The following MSH3 variants were observed in gnomAD, a reference collection of about 807,000 sequenced individuals.
MSH3 encodes the protein mutS homolog 3, also known as DNA mismatch repair protein Msh3.
MSH3 carries 106 observed loss-of-function variants against 123.3 expected under a neutral mutation model. That is an observed-to-expected ratio of 0.86 (90% confidence interval 0.73 to 1.01). The LOEUF is 1.01. Ranked by LOEUF, MSH3 falls within the 50% of genes least tolerant of loss-of-function variation. MSH3 has a pLI of 0.00. For synonymous variants in MSH3, 515 were observed against 481.4 expected, an observed-to-expected ratio of 1.07 and a Z score of -0.91; for missense variants, 1,459 against 1,347.6, an observed-to-expected ratio of 1.08 and a Z score of -1.29.
intron 9 of MSH3, among the ~76,000 whole-genome samples, chr5:80,726,927 A>G (rs1728743655): frequency 6.6e-6 from 1 of 152,210 alleles, no homozygotes. Context: ...CAAGCAGAGC[A>G]TGTGTTGCTC....
chr5:80,854,636 T>C (rs1023627925), intron 21 of MSH3, among the ~76,000 whole-genome samples: 8 of 152,206 alleles, frequency 5.3e-5, no homozygotes, highest in African/African-American at 1.9e-4. Flanking sequence ...TTTCCTGATC[T>C]CAGTCTCCAA....
chr5:80,863,178 G>T (rs1422395982), intron 21 of MSH3, among the ~76,000 whole-genome samples: 1 of 152,138 alleles, frequency 6.6e-6, no homozygotes, highest in African/African-American at 2.4e-5. Context: ...CATATACATG[G>T]AATATTCCTG....
chr5:80,786,546 T>C (rs991988908), intron 17 of MSH3, among the ~76,000 whole-genome samples: 1 of 152,240 alleles, frequency 6.6e-6, no homozygotes, highest in Non-Finnish European at 1.5e-5. Flanking sequence ...TAAACATTTT[T>C]TGTGCCTCTT....
Position 80,690,372 on chromosome 5 carries a change from A to G in MSH3, c.1340+11279A>G, listed in dbSNP as rs142213924. 3.7e-4 allele frequency among the ~76,000 whole-genome samples: 57 copies of G among 152,170 alleles called. No individual in the cohort carries two copies. The East Asian group carries it at 4.6e-3, about 12-fold the overall frequency. On this transcript the variant is annotated intron_variant, in intron 8 of 23. Coordinates refer to ENST00000265081, the MANE Select transcript of MSH3 (RefSeq NM_002439.5). ...ACCCAGACTGGAGTGCAGTGGCACA[A>G]TCTTGGCTCACTGCAACCTCTGCCT...
At chr5:80,758,220 T>C (rs1410361897) in intron 12 of MSH3, among the ~76,000 whole-genome samples, 1 of 152,292 alleles carries the variant, frequency 6.6e-6, no homozygotes, top group East Asian at 1.9e-4. Flanking sequence ...ATCTATGCCC[T>C]AAGGTTTGTC....
intron 8 of MSH3, among the ~76,000 whole-genome samples, chr5:80,724,627 G>T (rs1015961483): frequency 1.3e-5 from 2 of 152,140 alleles, no homozygotes; most frequent in Non-Finnish European, 2.9e-5. Flanking sequence ...TTTTTAGGAG[G>T]ACTGTAGAAT....
rs2112797274 is a variant in MSH3, at chr5:80,654,827, C to T, written c.100C>T (p.Leu34=). 1 of 1,606,526 alleles carries T rather than the reference C, an allele frequency of 6.2e-7. No individual in the cohort carries two copies. Residue 34 remains leucine (L), a synonymous_variant, in exon 1 of 24, where the codon CTG becomes TTG. Coordinates refer to ENST00000265081, the MANE Select transcript of MSH3 (RefSeq NM_002439.5). The part of the protein sequence containing the change: ...LSRFFQSTGS[L]KSTSSSTGAA... Reference sequence around the variant, plus strand: ...CCGATTCTTCCAGTCTACGGGAAGCCTGAAATCCACCTCCTCCTCCACAGG... The same window carrying T: ...CCGATTCTTCCAGTCTACGGGAAGCTTGAAATCCACCTCCTCCTCCACAGG...
At chr5:80,731,059 C>T (rs553818303) in intron 10 of MSH3, among the ~76,000 whole-genome samples, 8 of 151,462 alleles carry the variant, frequency 5.3e-5, no homozygotes, top group African/African-American at 1.5e-4. Context: ...CACGCCACCG[C>T]GCCCAGCTAA....
At chr5:80,822,495 G>A (rs1299033526) in intron 20 of MSH3, among the ~76,000 whole-genome samples, 1 of 152,116 alleles carries the variant, frequency 6.6e-6, no homozygotes, top group African/African-American at 2.4e-5. Context: ...CTTCATATAT[G>A]TGTGAGTATA....
chr5:80,700,788 G>T (rs1750591077), intron 8 of MSH3, among the ~76,000 whole-genome samples: 1 of 152,150 alleles, frequency 6.6e-6, no homozygotes, highest in East Asian at 1.9e-4. Flanking sequence ...AAAAAATGGG[G>T]TGTATTTGCA....
intron 20 of MSH3, among the ~76,000 whole-genome samples, chr5:80,823,212 T>C (rs1745232335): frequency 6.6e-6 from 1 of 152,176 alleles, no homozygotes; most frequent in African/African-American, 2.4e-5. Flanking sequence ...TTATGGTCAT[T>C]TTTCTTTTAC....
intron 5 of MSH3, among the ~76,000 whole-genome samples, 189 bp downstream of exon 5, chr5:80,672,549 G>A (rs1749747233): frequency 6.6e-6 from 1 of 152,068 alleles, no homozygotes; most frequent in Non-Finnish European, 1.5e-5. Flanking sequence ...GATATTTAGG[G>A]TAAATTTTTA....
At chr5:80,726,580 C>T (rs772337047) in intron 9 of MSH3, among the ~76,000 whole-genome samples, 3 of 152,214 alleles carry the variant, frequency 2.0e-5, no homozygotes, top group East Asian at 3.9e-4. Context: ...AGTCCTCCCA[C>T]GTCAGCCTCC....
chr5:80,750,080 T>A (rs1339167988), intron 12 of MSH3, among the ~76,000 whole-genome samples: 1 of 144,190 alleles, frequency 6.9e-6, no homozygotes, highest in Non-Finnish European at 1.6e-5. Context: ...TATTCCAGAG[T>A]GTGTGTGTGT....
Position 80,858,529 on chromosome 5 carries a change from T to G in MSH3, c.3000+4213T>G, listed in dbSNP as rs573125536. On this transcript the variant is annotated intron_variant, in intron 21 of 23. Transcript: ENST00000265081. ...ATTTGGGGATTTTCCAGTTACCTTTTTGTTATGATTCCTAGTTTAATTCCA... is the reference window on the plus strand; with the variant it reads ...ATTTGGGGATTTTCCAGTTACCTTTGTGTTATGATTCCTAGTTTAATTCCA... Among the ~76,000 whole-genome samples the G allele has an allele frequency of 7.9e-5, 12 of 152,344 alleles. No homozygotes were observed. The South Asian group carries it at 1.9e-3, about 24-fold the overall frequency.
intron 10 of MSH3, among the ~76,000 whole-genome samples, chr5:80,740,775 C>T (rs1261311263): frequency 4.0e-5 from 6 of 148,478 alleles, no homozygotes; most frequent in Non-Finnish European, 4.4e-5. Flanking sequence ...AGTGCAGTGG[C>T]GTGATCTCAG....
intron 19 of MSH3, among the ~76,000 whole-genome samples, chr5:80,808,873 A>ATATATATATATATATATATATATATATG (rs754318556): frequency 7.3e-6 from 1 of 137,044 alleles, no homozygotes; most frequent in Non-Finnish European, 1.6e-5. Context: ...ATATATATAT[A>ATATATATATATATATATATATATATATG]TATATATATA....
intron 8 of MSH3, among the ~76,000 whole-genome samples, chr5:80,712,862 A>G (rs1220189049): frequency 6.6e-6 from 1 of 151,972 alleles, no homozygotes; most frequent in East Asian, 1.9e-4. Flanking sequence ...GTTGTTCCCT[A>G]CTGTGAGCAC....
chr5:80,706,858 T>C (rs148477165), intron 8 of MSH3, among the ~76,000 whole-genome samples: 2 of 152,336 alleles, frequency 1.3e-5, no homozygotes, highest in African/African-American at 4.8e-5. Flanking sequence ...AGTTTTATTT[T>C]TAATCAATTT....
Sources: gnomAD v4.1 joint callset for allele counts (sites outside exome capture counted in the v4.1 genomes callset) on GRCh38, gnomAD v4.1.1 for gene constraint, MANE v1.5 for transcripts, NCBI Gene and HGNC (gene_info 2026-07-23, HGNC 2026-07-21) for gene names.